Variants in CACNA1H observed in about 807,000 individuals in gnomAD.
CACNA1H encodes calcium voltage-gated channel subunit alpha1 H.
Under a neutral mutation model 192.5 loss-of-function variants are expected in CACNA1H, and 149 were observed. The ratio of observed to expected loss-of-function variants is 0.77; its 90% confidence interval spans 0.68 to 0.89. The LOEUF (loss-of-function observed/expected upper bound fraction) is 0.89. Ranked by LOEUF, CACNA1H falls within the 40% of genes least tolerant of loss-of-function variation. The pLI, the probability that CACNA1H is intolerant of heterozygous loss-of-function variation, is 0.00. For synonymous variants in CACNA1H, 2,202 were observed against 1,475.2 expected (o/e 1.49, Z -11.29); for missense variants, 4,257 against 3,423.5 (o/e 1.24, Z -6.08).
At chr16:1,187,874 C>G (rs1596360572) in intron 2 of CACNA1H, among the ~76,000 whole-genome samples, 2 of 152,220 alleles carry the variant, frequency 1.3e-5, no homozygotes, top group Non-Finnish European at 2.9e-5. Context: ...GCCTCCGTCC[C>G]TCTGTAGAAA....
rs113486966 is a variant in CACNA1H, at chr16:1,171,759, C to T, written c.299+17723C>T. ...CCTGGAGCTCTGGGCAGCCTCCCAC[C>T]GTCCACAACTTTGCCACCCTCTCAG... On this transcript the variant is annotated intron_variant, in intron 2 of 34. Coordinates refer to ENST00000348261, the MANE Select transcript of CACNA1H (RefSeq NM_021098.3). Among the ~76,000 whole-genome samples, 286 of 152,304 alleles carry T rather than the reference C, an allele frequency of 1.9e-3. 1 individual carries two copies. Among genetic ancestry groups the T allele is most frequent in the African/African-American group, 5.9e-3 (245 of 41,560 alleles).
rs752208858 is a variant in CACNA1H at position 1,195,994 on chromosome 16, G to A, written c.614G>A (p.Arg205Gln). The change falls in exon 5 of 35, where the codon CGG becomes CAG. Residue 205 changes from arginine (R) to glutamine (Q), a missense_variant. Coordinates refer to ENST00000348261, the MANE Select transcript of CACNA1H (RefSeq NM_021098.3). ...LSAIRTVRVL[R>Q]PLRAINRVPS... ...GCTATCAGGACCGTGCGGGTGCTGC[G>A]GCCCCTCCGCGCCATCAACCGCGTG... 3.7e-6 allele frequency: 6 copies of A among 1,612,998 alleles called. No homozygotes were observed. The highest frequency in any genetic ancestry group is 2.2e-5 in the East Asian group (1 of 44,884).
intron 2 of CACNA1H, among the ~76,000 whole-genome samples, chr16:1,173,650 CTGGCCTGG>C (rs897221860): frequency 6.6e-6 from 1 of 152,252 alleles, no homozygotes; most frequent in African/African-American, 2.4e-5. Flanking sequence ...GACCCTCTGC[CTGGCCTGG>C]TGGAAGCATC....
At chr16:1,184,686 T>C (rs919731054) in intron 2 of CACNA1H, among the ~76,000 whole-genome samples, 3 of 151,884 alleles carry the variant, frequency 2.0e-5, no homozygotes, top group African/African-American at 4.8e-5. Context: ...TCAGCGAGAG[T>C]GGAGGCCACG....
intron 11 of CACNA1H, among the ~76,000 whole-genome samples, chr16:1,205,550 C>T (rs902566168): frequency 6.6e-6 from 1 of 152,226 alleles, no homozygotes; most frequent in Non-Finnish European, 1.5e-5. Flanking sequence ...CTGTTTCCTG[C>T]AGGAACAAAG....
rs957311944 is a variant in CACNA1H at position 1,211,381 on chromosome 16, G to A, written c.4350+87G>A. 74 of 1,605,924 alleles carry A rather than the reference G, an allele frequency of 4.6e-5. No homozygotes were observed. In the South Asian group the frequency reaches 7.6e-4, roughly 17 times the overall value. On this transcript the variant is annotated intron_variant, in intron 22 of 34. Coordinates refer to ENST00000348261, the MANE Select transcript of CACNA1H (RefSeq NM_021098.3). ...GTGGCTCCCAGCAGCGCCGCTGCGG[G>A]ACGGGGAGGGACAGCTCGGGCCTCA...
rs762406798 is a variant in CACNA1H, at chr16:1,211,935, C to T, written c.4567-11C>T. ...GCAGGCGGGCGGGGACCCACCGCCT[C>T]TGTGCCACAGCCTGTGCAGAACCAC... On this transcript the variant is annotated splice_polypyrimidine_tract_variant and intron_variant, in intron 24 of 34. Coordinates refer to ENST00000348261, the MANE Select transcript of CACNA1H (RefSeq NM_021098.3). 7 of 1,612,982 alleles carry T rather than the reference C, an allele frequency of 4.3e-6. No homozygotes were observed. In the South Asian group the frequency reaches 5.5e-5, roughly 13 times the overall value.
At chr16:1,164,605 C>G (rs1567440175) in intron 2 of CACNA1H, among the ~76,000 whole-genome samples, 1 of 152,248 alleles carries the variant, frequency 6.6e-6, no homozygotes, top group Admixed American at 6.5e-5. Context: ...CGGGCGGTGC[C>G]GAGCGTGGCT....
intron 2 of CACNA1H, among the ~76,000 whole-genome samples, chr16:1,181,987 G>A (rs9935079): frequency 0.28 from 42,531 of 151,932 alleles, 6,463 homozygotes; most frequent in East Asian, 0.61. Flanking sequence ...CATGCACACA[G>A]GCTCACTCTG....
intron 2 of CACNA1H, among the ~76,000 whole-genome samples, chr16:1,166,350 T>G (rs1596307516): frequency 6.6e-6 from 1 of 152,184 alleles, no homozygotes; most frequent in African/African-American, 2.4e-5. Context: ...CAAGTAACGG[T>G]GCCCTGAATC....
rs57772860 is a variant in CACNA1H at position 1,201,652 on chromosome 16, C to T, written c.1213-11C>T. The stretch of plus-strand genomic sequence containing the variant: ...CACTCACTGCCACTTACCCGCCCGC[C>T]CCCGTCACAGGTGGGCTCCTTCTTC... On this transcript the variant is annotated splice_polypyrimidine_tract_variant and intron_variant, in intron 8 of 34. Coordinates refer to ENST00000348261, the MANE Select transcript of CACNA1H (RefSeq NM_021098.3). 6.0e-4 allele frequency: 939 copies of T among 1,574,634 alleles called. 4 individuals carry two copies. The African/African-American group carries it at 0.012, about 19-fold the overall frequency.
chr16:1,209,921 A>T, intron 17 of CACNA1H, 114 bp from the exon 18 acceptor site: 1 of 764,516 alleles, frequency 1.3e-6, no homozygotes, highest in Non-Finnish European at 2.1e-6. Flanking sequence ...AGGAGTGAGG[A>T]TGGAGAAGGC....
chr16:1,202,475 C>A (rs1057432637), intron 9 of CACNA1H, 23 bp downstream of exon 9: 30 of 1,460,494 alleles, frequency 2.1e-5, no homozygotes, highest in Non-Finnish European at 2.6e-5. Flanking sequence ...CCCCACCCCA[C>A]GGAGGAGGCG....
chr16:1,169,247 G>A (rs1222797809), intron 2 of CACNA1H, among the ~76,000 whole-genome samples: 6 of 152,132 alleles, frequency 3.9e-5, no homozygotes, highest in Non-Finnish European at 7.4e-5. Context: ...TTCCTTTGCC[G>A]CTATGTTCAC....
Position 1,210,092 on chromosome 16 carries a change from A to T in CACNA1H, c.3802A>T (p.Ser1268Cys). 6.4e-7 allele frequency: 1 copy of T among 1,560,134 alleles called. No homozygotes were observed. Among genetic ancestry groups the T allele is most frequent in the Non-Finnish European group, 8.7e-7 (1 of 1,152,874 alleles). ...GCCCTACAAGCCCCAGTGGTGCCGG[A>T]GCCGCGAGGCCTGGGCCCTCTACCT... ...LEPYKPQWCRSREAWALYLFS... is the reference protein window; with the variant it reads ...LEPYKPQWCRCREAWALYLFS... Residue 1268 changes from serine (S) to cysteine (C), a missense_variant, in exon 18 of 35, where the codon AGC (serine) becomes TGC (cysteine). Coordinates refer to ENST00000348261, the MANE Select transcript of CACNA1H (RefSeq NM_021098.3).
chr16:1,182,464 A>C (rs1169348199), intron 2 of CACNA1H, among the ~76,000 whole-genome samples: 2 of 152,086 alleles, frequency 1.3e-5, no homozygotes, highest in Non-Finnish European at 2.9e-5. Flanking sequence ...TCCCACGGGC[A>C]GCCCAGCCCC....
intron 17 of CACNA1H, 79 bp downstream of exon 17, chr16:1,209,491 G>A (rs963284616): frequency 6.5e-7 from 1 of 1,532,728 alleles, no homozygotes; most frequent in African/African-American, 1.4e-5. Flanking sequence ...GGTTTGAGAT[G>A]GGATTCAGGG....
chr16:1,163,632 C>T (rs1376938066), intron 2 of CACNA1H, among the ~76,000 whole-genome samples: 1 of 152,240 alleles, frequency 6.6e-6, no homozygotes, highest in Non-Finnish European at 1.5e-5. Flanking sequence ...GATGAGTCAG[C>T]CTGCATTAGC....
intron 18 of CACNA1H, 22 bp from the exon 19 acceptor site, chr16:1,210,348 T>TGCC: frequency 3.6e-6 from 1 of 277,474 alleles, no homozygotes; most frequent in Non-Finnish European, 6.3e-6. Flanking sequence ...GCCCCACCTC[T>TGCC]CACCCGCCCC....
Sources: gnomAD v4.1 joint callset for allele counts (sites outside exome capture counted in the v4.1 genomes callset) on GRCh38, gnomAD v4.1.1 for gene constraint, MANE v1.5 for transcripts, NCBI Gene and HGNC (gene_info 2026-07-23, HGNC 2026-07-21) for gene names.